Variants in AFG1L observed in about 807,000 individuals in gnomAD.
The protein encoded by AFG1L is AFG1-like ATPase.
In AFG1L, 53 loss-of-function variants were observed where a neutral mutation model predicts 62.2. The ratio of observed to expected loss-of-function variants is 0.85; its 90% confidence interval spans 0.68 to 1.07. The LOEUF (loss-of-function observed/expected upper bound fraction) is 1.07. AFG1L is among the 50% of genes least tolerant of loss of function. The pLI, the probability that AFG1L is intolerant of heterozygous loss-of-function variation, is 0.00. For missense variants in AFG1L, 555 were observed against 590.5 expected (o/e 0.94, Z 0.62); for synonymous variants, 228 against 210.3 (o/e 1.08, Z -0.73).
chr6:108,431,597 C>CTTTTTT (rs5878977), intron 7 of AFG1L, among the ~76,000 whole-genome samples: 3 of 98,444 alleles, frequency 3.0e-5, no homozygotes, highest in Non-Finnish European at 4.0e-5. Flanking sequence ...TTCTTTGTTG[C>CTTTTTT]TTTTTTTTTT....
rs1357502946 is a variant in AFG1L at position 108,322,968 on chromosome 6, A to G, written c.140-857A>G. ...AGAACACCACCCTGCTTTGAAGCAG[A>G]CACTCTTGCTGTGTCTCAATTCCAT... On this transcript the variant is annotated intron_variant, in intron 1 of 12. Coordinates refer to ENST00000368977, the MANE Select transcript of AFG1L (RefSeq NM_145315.5). Among the ~76,000 whole-genome samples, 59 of 152,224 alleles carry G rather than the reference A, an allele frequency of 3.9e-4. 1 individual carries two copies. Among genetic ancestry groups the G allele is most frequent in the Admixed American group, 3.9e-3 (59 of 15,284 alleles).
chr6:108,470,807 G>A (rs1048619587), intron 8 of AFG1L, among the ~76,000 whole-genome samples: 1 of 151,970 alleles, frequency 6.6e-6, no homozygotes, highest in East Asian at 1.9e-4. Flanking sequence ...CTGAAATCTG[G>A]TACTATTTTT....
intron 6 of AFG1L, among the ~76,000 whole-genome samples, chr6:108,371,068 C>T (rs1779981427): frequency 6.6e-6 from 1 of 152,140 alleles, no homozygotes; most frequent in Non-Finnish European, 1.5e-5. Flanking sequence ...TTTTTTCTAG[C>T]CCTAACTTCC....
rs372355485 is a variant in AFG1L, at chr6:108,379,956, G to A, written c.748+13624G>A. Among the ~76,000 whole-genome samples the A allele has an allele frequency of 1.6e-4, 25 of 151,858 alleles. No individual in the cohort carries two copies. The South Asian group carries it at 5.0e-3, about 30-fold the overall frequency. On this transcript the variant is annotated intron_variant, in intron 6 of 12. Transcript: ENST00000368977. ...CTCTCTGCACAGGAAGAGTGGGGCA[G>A]GTCAAGCTGCCGATCCAGGTGAGTG...
At chr6:108,388,886 A>G (rs1212009142) in intron 6 of AFG1L, among the ~76,000 whole-genome samples, 3 of 152,284 alleles carry the variant, frequency 2.0e-5, no homozygotes, top group East Asian at 3.9e-4. Flanking sequence ...GTAGATGTCT[A>G]TTAGGTCTGC....
intron 10 of AFG1L, among the ~76,000 whole-genome samples, chr6:108,499,454 C>T (rs191803914): frequency 6.6e-6 from 1 of 151,562 alleles, no homozygotes; most frequent in East Asian, 2.0e-4. Context: ...AATTTTAATC[C>T]AGGCCAGGCA....
chr6:108,510,263 T>G lies in AFG1L; in HGVS notation c.1114T>G (p.Phe372Val). The G allele has an allele frequency of 6.2e-7, 1 of 1,612,136 alleles. No individual in the cohort carries two copies. The highest frequency in any genetic ancestry group is 8.5e-7 in the Non-Finnish European group (1 of 1,178,720). Reference sequence around the variant, plus strand: ...ACTATCAAAGAATTTTGATACAATATTTTTACGAAACATTCCGCAATTTAC... The same window carrying G: ...ACTATCAAAGAATTTTGATACAATAGTTTTACGAAACATTCCGCAATTTAC... ...LELSKNFDTI[F>V]LRNIPQFTLA... Residue 372 changes from phenylalanine to valine, a missense_variant, in exon 11 of 13, where the codon TTT (phenylalanine) becomes GTT (valine). Coordinates refer to ENST00000368977, the MANE Select transcript of AFG1L (RefSeq NM_145315.5).
At chr6:108,455,560 T>C (rs1337104694) in intron 8 of AFG1L, among the ~76,000 whole-genome samples, 1 of 152,218 alleles carries the variant, frequency 6.6e-6, no homozygotes, top group African/African-American at 2.4e-5. Flanking sequence ...CTTCCTTTTC[T>C]AGTTTTTTAA....
intron 8 of AFG1L, among the ~76,000 whole-genome samples, chr6:108,472,703 G>A (rs1486295010): frequency 1.7e-4 from 25 of 144,150 alleles, no homozygotes. Context: ...TTTTTGAGAT[G>A]GAATCTCGCT....
chr6:108,504,957 A>AT (rs1289384500), intron 10 of AFG1L, among the ~76,000 whole-genome samples: 3 of 152,158 alleles, frequency 2.0e-5, no homozygotes, highest in Non-Finnish European at 4.4e-5. Context: ...AGTGGATTTC[A>AT]TCCTGAAGTC....
intron 1 of AFG1L, among the ~76,000 whole-genome samples, chr6:108,301,807 G>C (rs574464332): frequency 6.6e-6 from 1 of 152,198 alleles, no homozygotes; most frequent in Non-Finnish European, 1.5e-5. Context: ...CCCAGGATTA[G>C]AATATTGATC....
At chr6:108,504,916 G>C (rs375473017) in intron 10 of AFG1L, among the ~76,000 whole-genome samples, 6 of 152,054 alleles carry the variant, frequency 3.9e-5, no homozygotes, top group African/African-American at 1.4e-4. Context: ...CTATTTAACT[G>C]CCTGTATCCC....
At chr6:108,367,968 A>G (rs1426046203) in intron 6 of AFG1L, among the ~76,000 whole-genome samples, 2 of 152,160 alleles carry the variant, frequency 1.3e-5, no homozygotes, top group African/African-American at 4.8e-5. Context: ...AAAGTAAGCT[A>G]TGCCACATTG....
intron 11 of AFG1L, among the ~76,000 whole-genome samples, chr6:108,514,072 C>T (rs373810159): frequency 2.0e-5 from 3 of 152,204 alleles, no homozygotes; most frequent in African/African-American, 7.2e-5. Context: ...AGAAAGAAAA[C>T]TGACAAACAG....
rs1280849125 is a variant in AFG1L at position 108,523,500 on chromosome 6, C to G, written c.*1075C>G. 6.6e-6 allele frequency: 1 copy of G among 151,972 alleles called. No homozygotes were observed. The highest frequency in any genetic ancestry group is 1.9e-4 in the East Asian group (1 of 5,194). 9.4% of individuals were successfully genotyped at this position (151,972 alleles called of 1,614,324 possible). A position where few individuals can be genotyped will look rare whatever the true frequency, so the allele number is the denominator to read the frequency against. ...TTCGGCTGTGGATGAGTGTGAAAAA[C>G]AGAAAAAATATAAAATCCACAAAAT... On this transcript the variant is annotated 3_prime_UTR_variant, in exon 13 of 13. Coordinates refer to ENST00000368977, the MANE Select transcript of AFG1L (RefSeq NM_145315.5).
At chr6:108,441,159 T>A (rs1771529656) in intron 7 of AFG1L, among the ~76,000 whole-genome samples, 1 of 152,244 alleles carries the variant, frequency 6.6e-6, no homozygotes, top group South Asian at 2.1e-4. Context: ...AATGTCTTTA[T>A]TCTTTGTTCC....
At chr6:108,412,009 A>G (rs550937587) in intron 7 of AFG1L, among the ~76,000 whole-genome samples, 1 of 152,284 alleles carries the variant, frequency 6.6e-6, no homozygotes, top group Admixed American at 6.5e-5. Context: ...AGAAGCTAAA[A>G]ACCTTGAAAA....
At chr6:108,500,201 T>TGTGTGC (rs1314836668) in intron 10 of AFG1L, among the ~76,000 whole-genome samples, 1 of 151,544 alleles carries the variant, frequency 6.6e-6, no homozygotes, top group Non-Finnish European at 1.5e-5. Flanking sequence ...TGTGTGTGTG[T>TGTGTGC]GTGTGTGTGT....
chr6:108,316,343 T>C (rs1292377085), intron 1 of AFG1L, among the ~76,000 whole-genome samples: 5 of 102,412 alleles, frequency 4.9e-5, no homozygotes, highest in Non-Finnish European at 8.7e-5. Flanking sequence ...ATCCCGCCAC[T>C]GCACTCCAGC....
Sources: allele counts gnomAD v4.1 joint callset (sites outside exome capture counted in the v4.1 genomes callset), GRCh38; gene constraint gnomAD v4.1.1; transcripts MANE v1.5; gene names NCBI Gene and HGNC (gene_info 2026-07-23, HGNC 2026-07-21).